The following DHRS4L2 variants were observed in gnomAD, a reference collection of about 807,000 sequenced individuals.
The protein encoded by DHRS4L2 is dehydrogenase/reductase SDR family member 4-like 2.
A neutral mutation model predicts 23.9 loss-of-function variants in DHRS4L2; 22 were observed. The observed-to-expected ratio is 0.92, with a 90% CI of 0.66 to 1.31. The LOEUF (loss-of-function observed/expected upper bound fraction) is 1.31. DHRS4L2 is among the 40% of genes most tolerant of loss of function. The probability of loss-of-function intolerance (pLI) is 0.00; values close to 1 mark genes in which losing one functional copy is unlikely to be tolerated. For synonymous variants in DHRS4L2, 141 were observed against 123.7 expected (o/e 1.14, Z -0.93); for missense variants, 385 against 303.3 (o/e 1.27, Z -2.00).
chr14:23,994,700 G>A (rs2034342550), intron 2 of DHRS4L2, among the ~76,000 whole-genome samples: 1 of 151,694 alleles, frequency 6.6e-6, no homozygotes, highest in African/African-American at 2.4e-5. Context: ...AAAGAAAGAA[G>A]CCAACCTTAA....
rs572631919 is a variant in DHRS4L2, at chr14:23,976,219, T to G, written c.-176+5887T>G. On this transcript the variant is annotated intron_variant, in intron 1 of 5. Coordinates refer to the DHRS4L2 transcript ENST00000534993. ...TTGCAATCTATCCATCTGACAAAGG[T>G]CTAATATTCAGAATCTACAAAGAAC... Among the ~76,000 whole-genome samples the G allele has an allele frequency of 2.9e-4, 44 of 151,584 alleles. No individual in the cohort carries two copies. The South Asian group carries it at 6.1e-3, about 21-fold the overall frequency.
intron 3 of DHRS4L2, among the ~76,000 whole-genome samples, chr14:23,998,556 T>C (rs7140627): frequency 0.09 from 13,572 of 150,342 alleles, 1,597 homozygotes; most frequent in African/African-American, 0.3. Flanking sequence ...CACTCGCTGC[T>C]TCATCTTGCA....
At chr14:23,972,927 A>C (rs777678491) in intron 1 of DHRS4L2, among the ~76,000 whole-genome samples, 4 of 151,946 alleles carry the variant, frequency 2.6e-5, no homozygotes, top group Non-Finnish European at 5.9e-5. Flanking sequence ...CTCCACCCAA[A>C]CATGTCGGTG....
At chr14:23,999,373 A>ACC (rs1282454545) in intron 3 of DHRS4L2, among the ~76,000 whole-genome samples, 2 of 123,622 alleles carry the variant, frequency 1.6e-5, no homozygotes, top group Non-Finnish European at 3.4e-5. Context: ...AAAAAAAAAA[A>ACC]ACAATATCTG....
At position 23,974,745 on chromosome 14, in the gene DHRS4L2, A is replaced by G. The variant is rs574336109; in HGVS notation, c.-176+4413A>G. On this transcript the variant is annotated intron_variant, in intron 1 of 5. Transcript: ENST00000534993. ...AGACCAATAACAGCTTCTGAAATTG[A>G]GGCAATAATTAATAGCCTACCAAAC... is the stretch of plus-strand genomic sequence containing the variant. Among the ~76,000 whole-genome samples the G allele has an allele frequency of 2.6e-5, 4 of 151,992 alleles. No individual in the cohort carries two copies. In the East Asian group the frequency reaches 5.8e-4, roughly 22 times the overall value.
chr14:24,001,075 T>C lies in DHRS4L2; in HGVS notation c.522T>C (p.Ser174=). ...TCGTGTCTTCCATAGCAGCCTTCAGTCCATCTCCTGTAAGAACCCTTTTGT... is the reference window on the plus strand; with the variant it reads ...TCGTGTCTTCCATAGCAGCCTTCAGCCCATCTCCTGTAAGAACCCTTTTGT... ...VVIVSSIAAF[S]PSPGFSPYNV... Residue 174 remains serine (S), a synonymous_variant, in exon 5 of 8, where the codon AGT becomes AGC. Transcript: ENST00000335125. The C allele has an allele frequency of 6.2e-7, 1 of 1,611,082 alleles. No individual in the cohort carries two copies. The highest frequency in any genetic ancestry group is 8.5e-7 in the Non-Finnish European group (1 of 1,179,406).
intron 2 of DHRS4L2, among the ~76,000 whole-genome samples, chr14:23,993,750 C>T (rs865809544): frequency 2.0e-5 from 3 of 151,702 alleles, no homozygotes; most frequent in African/African-American, 7.3e-5. Context: ...AAGAGAGAGA[C>T]AGAGACAGGG....
chr14:23,986,770 C>T (rs1017634147), upstream of DHRS4L2, among the ~76,000 whole-genome samples: 7 of 149,348 alleles, frequency 4.7e-5, no homozygotes, highest in Admixed American at 1.3e-4. Flanking sequence ...GAACCAAGCC[C>T]TGAGAACCCC....
chr14:23,995,855 A>G (rs986603073), intron 3 of DHRS4L2, among the ~76,000 whole-genome samples: 1 of 151,802 alleles, frequency 6.6e-6, no homozygotes, highest in South Asian at 2.1e-4. Flanking sequence ...ATGATCTCCC[A>G]TGGTTCTGCG....
intron 1 of DHRS4L2, among the ~76,000 whole-genome samples, chr14:23,977,368 G>T (rs1472085764): frequency 6.6e-6 from 1 of 151,708 alleles, no homozygotes; most frequent in Non-Finnish European, 1.5e-5. Flanking sequence ...GTGGAACTGG[G>T]TGTGCCTCAG....
At chr14:23,983,851 G>A (rs544465631), upstream of DHRS4L2, among the ~76,000 whole-genome samples, 2 of 151,536 alleles carry the variant, frequency 1.3e-5, no homozygotes, top group South Asian at 2.1e-4. Context: ...TGGACACAGG[G>A]AGGGGAACAT....
At chr14:23,973,440 A>T (rs2033904803) in intron 1 of DHRS4L2, among the ~76,000 whole-genome samples, 1 of 152,078 alleles carries the variant, frequency 6.6e-6, no homozygotes, top group Non-Finnish European at 1.5e-5. Context: ...CCCACAGTGC[A>T]GCGGCGGGCT....
rs2034575651 is a variant in DHRS4L2 at position 24,006,189 on chromosome 14, G to C, written c.*326G>C. ...CTTACTCGGGATTCCTGCTGTTGTTGTGGCCTTGGGTAAAGGCCTCCCCTG... is the reference window on the plus strand; with the variant it reads ...CTTACTCGGGATTCCTGCTGTTGTTCTGGCCTTGGGTAAAGGCCTCCCCTG... On this transcript the variant is annotated 3_prime_UTR_variant, in exon 8 of 8. Transcript: ENST00000335125. The C allele has an allele frequency of 4.0e-6, 5 of 1,235,928 alleles. No homozygotes were observed. The South Asian group carries it at 8.4e-5, about 21-fold the overall frequency. The allele number at this position is 1,235,928 out of a possible 1,614,324, so 76.6% of individuals were successfully genotyped here. A position where few individuals can be genotyped will look rare whatever the true frequency, so the allele number is the denominator to read the frequency against.
chr14:24,001,222 T>C, intron 5 of DHRS4L2, 138 bp downstream of exon 5: 1 of 1,579,716 alleles, frequency 6.3e-7, no homozygotes, highest in South Asian at 1.2e-5. Flanking sequence ...ATGCCTTGCC[T>C]CCACAAACCA....
chr14:23,986,059 T>C (rs1344708176), upstream of DHRS4L2, among the ~76,000 whole-genome samples: 1 of 151,412 alleles, frequency 6.6e-6, no homozygotes, highest in Non-Finnish European at 1.5e-5. Flanking sequence ...GGTTTCATCA[T>C]CTCAGCCAGC....
At chr14:24,000,013 A>T (rs1363704447) in intron 3 of DHRS4L2, among the ~76,000 whole-genome samples, 6 of 136,998 alleles carry the variant, frequency 4.4e-5, no homozygotes, top group South Asian at 2.2e-4. Context: ...TTTTTTTTTT[A>T]ATTTACATTT....
At chr14:24,005,800 T>C in intron 7 of DHRS4L2, 86 bp from the exon 8 acceptor site, 1 of 1,560,650 alleles carries the variant, frequency 6.4e-7, no homozygotes, top group Admixed American at 1.9e-5. Context: ...AATTCTTGAT[T>C]AAGCAAATTT....
rs1190790185 is a variant in DHRS4L2 at position 24,004,142 on chromosome 14, C to T, written c.666-195C>T. On this transcript the variant is annotated intron_variant, in intron 6 of 7. Coordinates refer to ENST00000335125, the MANE Select transcript of DHRS4L2 (RefSeq NM_198083.4). ...AAAATTAGCCGGGCGCAGTGGCGGG[C>T]GCCTGTAATCCCAGCTACTCGGGAG... is the stretch of plus-strand genomic sequence containing the variant. Among the ~76,000 whole-genome samples, 23 of 146,286 alleles carry T rather than the reference C, an allele frequency of 1.6e-4. No individual in the cohort carries two copies. The East Asian group carries it at 3.1e-3, about 19-fold the overall frequency.
chr14:24,004,737 A>G, intron 7 of DHRS4L2: 1 of 372,710 alleles, frequency 2.7e-6, no homozygotes, highest in Non-Finnish European at 4.7e-6. Flanking sequence ...GAATAATGAC[A>G]CATGTTTACA....
Sources: allele counts gnomAD v4.1 joint callset (sites outside exome capture counted in the v4.1 genomes callset), GRCh38; gene constraint gnomAD v4.1.1; transcripts MANE v1.5; gene names NCBI Gene and HGNC (gene_info 2026-07-23, HGNC 2026-07-21).